Variants in A2M observed in about 807,000 individuals in gnomAD.
The protein encoded by A2M is alpha-2-macroglobulin, also known as C3 and PZP-like alpha-2-macroglobulin domain-containing protein 5.
A neutral mutation model predicts 183.9 loss-of-function variants in A2M; 128 were observed. That is an observed-to-expected ratio of 0.70 (90% CI 0.60 to 0.81). The LOEUF (loss-of-function observed/expected upper bound fraction) is 0.81, where lower values mean the gene tolerates loss of function less well. Ranked by LOEUF, A2M falls within the 30% of genes least tolerant of loss-of-function variation. The pLI is 0.00. For synonymous variants in A2M, 592 were observed against 670.8 expected (o/e 0.88, Z 1.81); for missense variants, 1,495 against 1,787.6 (o/e 0.84, Z 2.95).
chr12:9,096,271 G>A (rs372821810), intron 15 of A2M, among the ~76,000 whole-genome samples: 2 of 152,156 alleles, frequency 1.3e-5, no homozygotes, highest in African/African-American at 4.8e-5. Context: ...TCGTTACACA[G>A]TTCAGAGGCC....
intron 8 of A2M, 89 bp downstream of exon 8, chr12:9,107,435 C>A: frequency 6.7e-7 from 1 of 1,490,044 alleles, no homozygotes; most frequent in South Asian, 1.2e-5. Context: ...CTAGATTGTT[C>A]TCTTCCTGCG....
intron 4 of A2M, 94 bp downstream of exon 4, chr12:9,112,065 A>C (rs1354204419): frequency 8.6e-7 from 1 of 1,168,116 alleles, no homozygotes; most frequent in Non-Finnish European, 1.3e-6. Context: ...ATGATACCAG[A>C]TTCTTCCTCT....
At chr12:9,072,528 C>A in intron 30 of A2M, 42 bp from the exon 31 acceptor site, 1 of 1,602,234 alleles carries the variant, frequency 6.2e-7, no homozygotes, top group South Asian at 1.1e-5. Flanking sequence ...TGCCCTTTCC[C>A]AGAATTCCTG....
At position 9,112,364 on chromosome 12, in the gene A2M, G is replaced by C; in HGVS notation, c.430+13C>G. On this transcript the variant is annotated intron_variant, in intron 3 of 35. Transcript: ENST00000318602. ...CCTTTTTGAAGTTGTCCTGTCTGTA[G>C]GCTTCTTCATACCTGTCTGCCCTGG... 6.2e-7 allele frequency: 1 copy of C among 1,611,550 alleles called. No homozygotes were observed. Among genetic ancestry groups the C allele is most frequent in the Non-Finnish European group, 8.5e-7 (1 of 1,178,036 alleles).
rs1949453582 is a variant in A2M at position 9,098,528 on chromosome 12, C to G, written c.1851+79G>C. On this transcript the variant is annotated intron_variant, in intron 15 of 35. Coordinates refer to ENST00000318602, the MANE Select transcript of A2M (RefSeq NM_000014.6). Reference sequence around the variant, plus strand: ...TAAATATAATTTTAATTGATCTTATCCTACTTATCCAGTCATTTTTCCTTG... The same window carrying G: ...TAAATATAATTTTAATTGATCTTATGCTACTTATCCAGTCATTTTTCCTTG... The G allele has an allele frequency of 8.2e-6, 12 of 1,471,522 alleles. No homozygotes were observed. In the South Asian group the frequency reaches 1.4e-4, roughly 17 times the overall value. 91.2% of individuals were successfully genotyped at this position (1,471,522 alleles called of 1,614,324 possible). A position where few individuals can be genotyped will look rare whatever the true frequency, so the allele number is the denominator to read the frequency against.
chr12:9,095,144 T>A, intron 16 of A2M, 60 bp from the exon 17 acceptor site: 1 of 867,924 alleles, frequency 1.2e-6, no homozygotes, highest in Non-Finnish European at 1.7e-6. Context: ...CATAGGTAGC[T>A]ACTTCTTTTT....
At chr12:9,071,791 G>A (rs1308516677) in intron 31 of A2M, among the ~76,000 whole-genome samples, 1 of 152,122 alleles carries the variant, frequency 6.6e-6, no homozygotes, top group Non-Finnish European at 1.5e-5. Flanking sequence ...TTTGATGTGT[G>A]CCAGTTATTT....
chr12:9,071,050 C>A (rs1460907134), intron 31 of A2M, among the ~76,000 whole-genome samples: 1 of 151,990 alleles, frequency 6.6e-6, no homozygotes. Context: ...GAACTCCCGA[C>A]CTAAGGTAAT....
In A2M at chr12:9,112,537, C is replaced by G. The variant is rs1279403158; in HGVS notation, c.271-1G>C. On this transcript the variant is annotated splice_acceptor_variant, in intron 2 of 35. Transcript: ENST00000318602. LOFTEE classifies it high-confidence loss of function. Reference sequence around the variant, plus strand: ...CCTCATTGGATGAAGACTTTGGGACCTGAAATACAGGACCGATCCTGAAAC... The same window carrying G: ...CCTCATTGGATGAAGACTTTGGGACGTGAAATACAGGACCGATCCTGAAAC... The G allele has an allele frequency of 1.2e-6, 2 of 1,613,382 alleles. No homozygotes were observed. The highest frequency in any genetic ancestry group is 1.3e-5 in the African/African-American group (1 of 74,892).
chr12:9,096,102 T>C (rs1565593936), intron 15 of A2M, among the ~76,000 whole-genome samples: 1 of 152,208 alleles, frequency 6.6e-6, no homozygotes, highest in Non-Finnish European at 1.5e-5. Context: ...ACAGGAATAA[T>C]GAACATCCGT....
At chr12:9,090,233 G>T in intron 20 of A2M, 123 bp downstream of exon 20, 1 of 1,493,680 alleles carries the variant, frequency 6.7e-7, no homozygotes, top group Non-Finnish European at 9.2e-7. Flanking sequence ...AGAATAAAAG[G>T]CAAAGGAAAA....
chr12:9,075,183 TAG>T (rs1331605628), intron 28 of A2M, among the ~76,000 whole-genome samples: 6 of 152,150 alleles, frequency 3.9e-5, no homozygotes, highest in African/African-American at 1.4e-4. Context: ...CATGAAATAG[TAG>T]AGTTTCTACT....
At position 9,106,569 on chromosome 12, in the gene A2M, T is replaced by C; in HGVS notation, c.916A>G (p.Thr306Ala). Residue 306 changes from threonine (T) to alanine (A), a missense_variant, in exon 9 of 36, where the codon ACC becomes GCC. Thr to Ala is a moderately conservative substitution (Grantham distance 58). Transcript: ENST00000318602. Reference protein sequence around the residue: ...SHGCFYQQVKTKVFQLKRKEY... With the variant: ...SHGCFYQQVKAKVFQLKRKEY... ...TTCCTCTTCAGCTGGAAGACCTTGGTTTTTACTTGCTGATAGAAGCAGCCA... is the reference window on the plus strand; with the variant it reads ...TTCCTCTTCAGCTGGAAGACCTTGGCTTTTACTTGCTGATAGAAGCAGCCA... 6.3e-7 allele frequency: 1 copy of C among 1,590,668 alleles called. No individual in the cohort carries two copies. Among genetic ancestry groups the C allele is most frequent in the Non-Finnish European group, 8.6e-7 (1 of 1,166,490 alleles).
intron 34 of A2M, 63 bp downstream of exon 34, chr12:9,068,677 C>A (rs148856107): frequency 8.6e-4 from 1,152 of 1,334,692 alleles, no homozygotes; most frequent in Admixed American, 1.4e-3. Context: ...CAACACATCT[C>A]CTAAACCTGA....
intron 30 of A2M, 61 bp from the exon 31 acceptor site, chr12:9,072,547 C>T: frequency 1.2e-6 from 2 of 1,601,952 alleles, no homozygotes; most frequent in Non-Finnish European, 1.7e-6. Flanking sequence ...TGTCCACGTC[C>T]CTAACCCTTT....
chr12:9,080,876 A>C (rs1479601787), intron 22 of A2M, among the ~76,000 whole-genome samples: 4 of 152,196 alleles, frequency 2.6e-5, no homozygotes, highest in Non-Finnish European at 5.9e-5. Context: ...GTTTCTTAAA[A>C]AAAAGCCATA....
At chr12:9,102,370 C>A (rs1338195290) in intron 11 of A2M, among the ~76,000 whole-genome samples, 1 of 152,000 alleles carries the variant, frequency 6.6e-6, no homozygotes, top group African/African-American at 2.4e-5. Flanking sequence ...GCATGCCACC[C>A]CACCCAGCTA....
chr12:9,097,882 C>T (rs758262001), intron 15 of A2M, among the ~76,000 whole-genome samples: 1 of 152,326 alleles, frequency 6.6e-6, no homozygotes, highest in African/African-American at 2.4e-5. Context: ...ATCTGCCTGC[C>T]TTGGCCTCCC....
chr12:9,087,607 TTAA>T (rs1435023749), intron 22 of A2M, among the ~76,000 whole-genome samples: 2 of 152,130 alleles, frequency 1.3e-5, no homozygotes, highest in East Asian at 1.9e-4. Flanking sequence ...GTGAATATAG[TTAA>T]TAATAGTGTA....
Sources: gnomAD v4.1 joint callset for allele counts (sites outside exome capture counted in the v4.1 genomes callset) on GRCh38, gnomAD v4.1.1 for gene constraint, MANE v1.5 for transcripts, NCBI Gene and HGNC (gene_info 2026-07-23, HGNC 2026-07-21) for gene names.